The following ADAMTS9 variants were observed in gnomAD, a reference collection of about 807,000 sequenced individuals.
ADAMTS9 encodes the protein ADAM metallopeptidase with thrombospondin type 1 motif 9.
In ADAMTS9, 107 loss-of-function variants were observed where a neutral mutation model predicts 257.1. The ratio of observed to expected loss-of-function variants is 0.42; its 90% CI spans 0.36 to 0.49. The LOEUF (loss-of-function observed/expected upper bound fraction) is 0.49. Among genes scored for constraint, ADAMTS9 ranks in the 20% least tolerant of loss-of-function variants. The pLI is 0.03. For missense variants in ADAMTS9, 2,353 were observed against 2,469.1 expected (o/e 0.95, Z 1.00); for synonymous variants, 982 against 880.9 (o/e 1.11, Z -2.03).
intron 3 of ADAMTS9, among the ~76,000 whole-genome samples, chr3:64,674,219 T>C (rs1178532550): frequency 6.6e-6 from 1 of 152,102 alleles, no homozygotes; most frequent in Non-Finnish European, 1.5e-5. Flanking sequence ...ATTTTAGAGG[T>C]CATTGCTTAT....
chr3:64,619,008 A>C (rs1203410888), intron 19 of ADAMTS9, among the ~76,000 whole-genome samples: 1 of 152,200 alleles, frequency 6.6e-6, no homozygotes, highest in Non-Finnish European at 1.5e-5. Context: ...AGTGAAAAAT[A>C]GTTTTTCAAA....
chr3:64,597,476 A>G (rs1269056705), intron 26 of ADAMTS9, among the ~76,000 whole-genome samples: 1 of 152,190 alleles, frequency 6.6e-6, no homozygotes, highest in Non-Finnish European at 1.5e-5. Context: ...AACTCCTTCA[A>G]TTACTCCAGG....
intron 19 of ADAMTS9, among the ~76,000 whole-genome samples, chr3:64,616,686 A>T (rs2084772399): frequency 6.6e-6 from 1 of 152,224 alleles, no homozygotes; most frequent in Non-Finnish European, 1.5e-5. Context: ...TGGTTCTTTT[A>T]ATACCCTAGG....
At chr3:64,553,572 T>C (rs1268404337) in intron 30 of ADAMTS9, among the ~76,000 whole-genome samples, 2 of 152,174 alleles carry the variant, frequency 1.3e-5, no homozygotes, top group African/African-American at 2.4e-5. Context: ...GGGAGTGGAA[T>C]TGCTGGGTCA....
Position 64,622,574 on chromosome 3 carries a change from C to T in ADAMTS9, c.2402G>A (p.Ser801Asn), listed in dbSNP as rs774678616. The T allele has an allele frequency of 8.1e-6, 13 of 1,613,900 alleles. No individual in the cohort carries two copies. In the African/African-American group the frequency reaches 1.7e-4, roughly 22 times the overall value. The change falls in exon 17 of 40, where the codon AGT becomes AAT. Residue 801 changes from serine (S) to asparagine (N), a missense_variant. By Grantham distance (46) the Ser-to-Asn change is conservative. Transcript: ENST00000498707. Reference sequence around the variant, plus strand: ...TCCATTTAGCAAGAATTCACCTTTACTGCTTGATAAAGCTGTAGGTGAAGA... The same window carrying T: ...TCCATTTAGCAAGAATTCACCTTTATTGCTTGATAAAGCTGTAGGTGAAGA... ...DDDNYLALSS[S>N]KGEFLLNGNF...
rs144139430 is a variant in ADAMTS9, at chr3:64,683,448, G to A, written c.517-2085C>T. Among the ~76,000 whole-genome samples, 1,044 of 152,298 alleles carry A rather than the reference G, an allele frequency of 6.9e-3. 5 individuals are homozygous for A. Among genetic ancestry groups the A allele is most frequent in the African/African-American group, 0.023 (972 of 41,558 alleles). ...TTAAGCACATGGATCAGAAAGACCC[G>A]GTTGAAATCCCAGCGCTGCCACTTA... On this transcript the variant is annotated intron_variant, in intron 2 of 39. Transcript: ENST00000498707.
rs2082906387 is a variant in ADAMTS9 at position 64,526,061 on chromosome 3, C to T, written c.5719-3801G>A. ...GTATTATAATCTTATGTGTGATATG[C>T]TATACTATATATTATAATAAAATAA... On this transcript the variant is annotated intron_variant, in intron 38 of 39. Coordinates refer to ENST00000498707, the MANE Select transcript of ADAMTS9 (RefSeq NM_182920.2). 3.5e-5 allele frequency among the ~76,000 whole-genome samples: 5 copies of T among 143,712 alleles called. No individual in the cohort carries two copies. In the South Asian group the frequency reaches 8.9e-4, roughly 26 times the overall value. The allele number at this position is 143,712 out of a possible 152,430, so 94.3% of individuals were successfully genotyped here.
rs1186784769 is a variant in ADAMTS9, at chr3:64,686,081, T to A, written c.516+487A>T. On this transcript the variant is annotated intron_variant, in intron 2 of 39. Transcript: ENST00000498707. This position sits in a 1 kb window ranked among gnomAD's most constrained non-coding sequence, Gnocchi z 4.6. ...CTGAGAGAAAGCGGGGACTCTAGAT[T>A]ACGCACCGCCCTCCACAACACACAC... is the stretch of plus-strand genomic sequence containing the variant. Among the ~76,000 whole-genome samples, 1 of 152,140 alleles carries A rather than the reference T, an allele frequency of 6.6e-6. No homozygotes were observed. The highest frequency in any genetic ancestry group is 1.5e-5 in the Non-Finnish European group (1 of 68,020).
chr3:64,521,032 T>C (rs2082845546), intron 39 of ADAMTS9, among the ~76,000 whole-genome samples: 1 of 152,086 alleles, frequency 6.6e-6, no homozygotes, highest in Non-Finnish European at 1.5e-5. Flanking sequence ...GGAGAAAACA[T>C]TTTTAACCTA....
intron 28 of ADAMTS9, among the ~76,000 whole-genome samples, chr3:64,582,210 G>A (rs545702419): frequency 7.2e-5 from 11 of 152,264 alleles, no homozygotes; most frequent in South Asian, 6.2e-4. Flanking sequence ...GAGGAGGTGC[G>A]AGGAGGTAGA....
At chr3:64,672,175 A>G (rs1701506698) in intron 3 of ADAMTS9, among the ~76,000 whole-genome samples, 1 of 152,232 alleles carries the variant, frequency 6.6e-6, no homozygotes, top group African/African-American at 2.4e-5. Context: ...TGTGCGTCTT[A>G]GCCAGTTTCA....
In ADAMTS9 at chr3:64,654,421, T is replaced by A; in HGVS notation, c.1248A>T (p.Arg416Ser). 6.2e-7 allele frequency: 1 copy of A among 1,614,132 alleles called. No individual in the cohort carries two copies. The highest frequency in any genetic ancestry group is 1.1e-5 in the South Asian group (1 of 91,076). ...AELGTICDPY[R>S]SCSISEDSGL... ...CACTATCTTCACTAATAGAACAGCT[T>A]CTATAGGGATCACAAATGGTTCCCA... Residue 416 changes from arginine to serine, a missense_variant, in exon 8 of 40, where the codon AGA (arginine) becomes AGT (serine). This residue lies in a region of ADAMTS9 where 591 missense variants were observed against 569.6 expected (regional missense o/e 1.04). Coordinates refer to ENST00000498707, the MANE Select transcript of ADAMTS9 (RefSeq NM_182920.2).
chr3:64,669,295 C>T (rs947320086), intron 3 of ADAMTS9, among the ~76,000 whole-genome samples: 7 of 152,142 alleles, frequency 4.6e-5, no homozygotes, highest in Non-Finnish European at 1.0e-4. Flanking sequence ...TAATTATTCC[C>T]ACACTTAAAT....
rs530806903 is a variant in ADAMTS9, at chr3:64,676,288, A to G, written c.679+4913T>C. 3.3e-5 allele frequency among the ~76,000 whole-genome samples: 5 copies of G among 152,342 alleles called. No individual in the cohort carries two copies. In the South Asian group the frequency reaches 1.0e-3, roughly 32 times the overall value. On this transcript the variant is annotated intron_variant, in intron 3 of 39. Transcript: ENST00000498707. ...CTATTGGTCTCCAGTGACAAGTTCA[A>G]TAGGTCTAGCAAAATAAATCCATGC...
intron 16 of ADAMTS9, 145 bp downstream of exon 16, chr3:64,631,310 A>G (rs887531157): frequency 3.0e-6 from 2 of 664,204 alleles, no homozygotes; most frequent in South Asian, 1.8e-5. Context: ...GAGAAATACA[A>G]TGGTGAATTT....
intron 22 of ADAMTS9, among the ~76,000 whole-genome samples, chr3:64,608,855 T>C (rs2106826736): frequency 6.6e-6 from 1 of 152,044 alleles, no homozygotes; most frequent in East Asian, 1.9e-4. Context: ...ATATTGCTTA[T>C]ACAGATGTAA....
At chr3:64,578,376 AG>A (rs1453026241) in intron 28 of ADAMTS9, among the ~76,000 whole-genome samples, 9 of 152,162 alleles carry the variant, frequency 5.9e-5, no homozygotes, top group African/African-American at 2.2e-4. Flanking sequence ...CTCACAACAC[AG>A]AAGACTTGGC....
chr3:64,572,107 C>T (rs1304280273), intron 28 of ADAMTS9, among the ~76,000 whole-genome samples: 2 of 152,074 alleles, frequency 1.3e-5, no homozygotes, highest in Non-Finnish European at 2.9e-5. Context: ...GGGAAACAAC[C>T]CAACTTTGTG....
intron 3 of ADAMTS9, among the ~76,000 whole-genome samples, chr3:64,672,541 G>T (rs1483908844): frequency 6.6e-6 from 1 of 152,118 alleles, no homozygotes; most frequent in Non-Finnish European, 1.5e-5. Flanking sequence ...AAATTAGCTG[G>T]GTGTGGTGGT....
Sources: gnomAD v4.1 joint callset for allele counts (sites outside exome capture counted in the v4.1 genomes callset) on GRCh38, gnomAD v4.1.1 for gene constraint, gnomAD v4.1.1 regional missense constraint, Gnocchi (gnomAD v3.1) non-coding constraint, MANE v1.5 for transcripts, NCBI Gene and HGNC (gene_info 2026-07-23, HGNC 2026-07-21) for gene names.